The following GRID2 variants were observed in gnomAD, a reference collection of about 807,000 sequenced individuals.
The protein encoded by GRID2 is glutamate receptor ionotropic, delta-2.
GRID2 carries 33 observed loss-of-function variants against 114.8 expected under a neutral mutation model. The observed-to-expected ratio is 0.29, with a 90% confidence interval of 0.22 to 0.38. The LOEUF (loss-of-function observed/expected upper bound fraction) is 0.38, where lower values mean the gene tolerates loss of function less well. Among genes scored for constraint, GRID2 ranks in the 10% least tolerant of loss-of-function variants. GRID2 has a pLI of 1.00. For missense variants in GRID2, 1,184 were observed against 1,257.7 expected, an observed-to-expected ratio of 0.94 and a Z score of 0.89; for synonymous variants, 505 against 449.9, an observed-to-expected ratio of 1.12 and a Z score of -1.55.
chr4:92,757,749 G>T (rs988394391), intron 2 of GRID2, among the ~76,000 whole-genome samples: 2 of 151,744 alleles, frequency 1.3e-5, no homozygotes, highest in African/African-American at 4.8e-5. Flanking sequence ...CATTGAAGCA[G>T]AATGAAAAGC....
At chr4:92,886,903 G>A (rs1461333349) in intron 2 of GRID2, among the ~76,000 whole-genome samples, 6 of 152,160 alleles carry the variant, frequency 3.9e-5, no homozygotes, top group African/African-American at 7.2e-5. Context: ...GGGATTATAG[G>A]CGTGAGCCAC....
chr4:92,352,344 TTA>T (rs1483938100), intron 1 of GRID2, among the ~76,000 whole-genome samples: 38 of 844 alleles, frequency 0.045, no homozygotes, highest in South Asian at 0.38. Context: ...GATTATTTTA[TTA>T]TTATTATTAT....
intron 1 of GRID2, among the ~76,000 whole-genome samples, chr4:92,459,748 A>AT (rs1273075124): frequency 6.6e-6 from 1 of 151,880 alleles, no homozygotes; most frequent in African/African-American, 2.4e-5. Context: ...TTAATAAAGC[A>AT]TTTCTCTAGA....
At chr4:92,667,272 A>G (rs533374884) in intron 2 of GRID2, among the ~76,000 whole-genome samples, 116 of 151,748 alleles carry the variant, frequency 7.6e-4, no homozygotes, top group African/African-American at 2.7e-3. Context: ...TCTTCCCAGA[A>G]TTCTCTTATT....
intron 2 of GRID2, among the ~76,000 whole-genome samples, chr4:92,866,215 A>C (rs1744851563): frequency 6.6e-6 from 1 of 152,128 alleles, no homozygotes; most frequent in Non-Finnish European, 1.5e-5. Flanking sequence ...ATCATCACTC[A>C]AATTGTTGAT....
chr4:93,052,763 T>A (rs527897924), intron 2 of GRID2, among the ~76,000 whole-genome samples: 1 of 152,038 alleles, frequency 6.6e-6, no homozygotes, highest in Non-Finnish European at 1.5e-5. Flanking sequence ...AAAAGTTTAC[T>A]CTTCTCCTTG....
At chr4:92,989,173 A>G (rs1400063501) in intron 2 of GRID2, among the ~76,000 whole-genome samples, 4 of 146,560 alleles carry the variant, frequency 2.7e-5, no homozygotes, top group African/African-American at 1.0e-4. Flanking sequence ...GCTACTCGGG[A>G]GGCTGAGGCA....
At chr4:93,280,584 A>T (rs1056006222) in intron 8 of GRID2, among the ~76,000 whole-genome samples, 17 of 151,748 alleles carry the variant, frequency 1.1e-4, no homozygotes, top group African/African-American at 4.1e-4. Context: ...TTGGTTTATT[A>T]TTCTGTATTC....
rs1374246286 is a variant in GRID2, at chr4:93,622,220, A to G, written c.2194-4049A>G. On this transcript the variant is annotated intron_variant, in intron 13 of 15. Transcript: ENST00000282020. The stretch of plus-strand genomic sequence containing the variant: ...GAGAAAAGAAGGAAACTATGGGATA[A>G]CTCTGTGGGTGAGAAATCAATGCAG... 4.1e-4 allele frequency among the ~76,000 whole-genome samples: 63 copies of G among 152,056 alleles called. 1 individual carries two copies. The highest frequency in any genetic ancestry group is 4.1e-3 in the Admixed American group (62 of 15,252).
intron 1 of GRID2, among the ~76,000 whole-genome samples, chr4:92,392,373 T>C (rs1730285786): frequency 6.6e-6 from 1 of 152,004 alleles, no homozygotes; most frequent in South Asian, 2.1e-4. Context: ...ATCCCATCTC[T>C]ACTGAAAATA....
intron 2 of GRID2, among the ~76,000 whole-genome samples, chr4:92,745,775 C>T (rs566279794): frequency 5.9e-5 from 9 of 151,872 alleles, no homozygotes; most frequent in East Asian, 1.9e-4. Context: ...ATATATTGGG[C>T]TTGGAAGTTT....
intron 1 of GRID2, among the ~76,000 whole-genome samples, chr4:92,552,438 A>C (rs1029719785): frequency 2.0e-5 from 3 of 152,140 alleles, no homozygotes; most frequent in Non-Finnish European, 4.4e-5. Flanking sequence ...GGGTTACAGA[A>C]GGAACGGTTG....
chr4:93,206,765 C>A (rs1220504581), intron 4 of GRID2, among the ~76,000 whole-genome samples: 1 of 152,004 alleles, frequency 6.6e-6, no homozygotes. Flanking sequence ...TATTTCTTTT[C>A]ATCTTATTAG....
intron 4 of GRID2, among the ~76,000 whole-genome samples, chr4:93,132,914 T>G (rs760479529): frequency 6.6e-6 from 1 of 152,200 alleles, no homozygotes; most frequent in Non-Finnish European, 1.5e-5. Context: ...AAGTGCTCAA[T>G]TGGGAGTGCT....
intron 9 of GRID2, among the ~76,000 whole-genome samples, chr4:93,401,014 G>T (rs983475081): frequency 6.6e-6 from 1 of 151,826 alleles, no homozygotes; most frequent in Non-Finnish European, 1.5e-5. Flanking sequence ...TTTATTTTTC[G>T]TAGAGACAGG....
chr4:93,531,055 A>T lies in GRID2; in HGVS notation c.2193+15644A>T, dbSNP rs113340405. On this transcript the variant is annotated intron_variant, in intron 13 of 15. Coordinates refer to ENST00000282020, the MANE Select transcript of GRID2 (RefSeq NM_001510.4). ...TGGTATGTTTATGTAACTGAGACTT[A>T]TCACTTTGATTAGGGAAGGATGCCA... Among the ~76,000 whole-genome samples the T allele has an allele frequency of 2.0e-3, 305 of 152,282 alleles. 1 individual carries two copies. The highest frequency in any genetic ancestry group is 6.8e-3 in the African/African-American group (283 of 41,578).
At chr4:92,693,184 A>C (rs1207616047) in intron 2 of GRID2, among the ~76,000 whole-genome samples, 1 of 152,044 alleles carries the variant, frequency 6.6e-6, no homozygotes, top group Non-Finnish European at 1.5e-5. Flanking sequence ...TCAAAATGGA[A>C]ACAACGTTCT....
At chr4:92,887,119 T>G (rs1349555935) in intron 2 of GRID2, among the ~76,000 whole-genome samples, 4 of 152,200 alleles carry the variant, frequency 2.6e-5, no homozygotes, top group Non-Finnish European at 5.9e-5. Flanking sequence ...TGTTTTTTTG[T>G]TCATATTGTT....
At chr4:92,934,595 A>G (rs1444183849) in intron 2 of GRID2, among the ~76,000 whole-genome samples, 1 of 146,580 alleles carries the variant, frequency 6.8e-6, no homozygotes, top group African/African-American at 2.4e-5. Flanking sequence ...TCCTAAGCCA[A>G]AAGAACAAAG....
Sources: allele counts gnomAD v4.1 joint callset (sites outside exome capture counted in the v4.1 genomes callset), GRCh38; gene constraint gnomAD v4.1.1; transcripts MANE v1.5; gene names NCBI Gene and HGNC (gene_info 2026-07-23, HGNC 2026-07-21).